SH3GL2: variants seen among roughly 807,000 people sequenced by gnomAD.
The protein encoded by SH3GL2 is SH3 domain containing GRB2 like 2, endophilin A1.
A neutral mutation model predicts 46.0 loss-of-function variants in SH3GL2; 24 were observed. That is an observed-to-expected ratio of 0.52 (90% CI 0.38 to 0.73). The LOEUF (loss-of-function observed/expected upper bound fraction) is 0.73, where lower values mean the gene tolerates loss of function less well. Among genes scored for constraint, SH3GL2 ranks in the 30% least tolerant of loss-of-function variants. The pLI is 0.00. For synonymous variants in SH3GL2, 196 were observed against 147.1 expected (o/e 1.33, Z -2.40); for missense variants, 413 against 424.2 (o/e 0.97, Z 0.23).
At chr9:17,731,785 A>G (rs1324229659) in intron 1 of SH3GL2, among the ~76,000 whole-genome samples, 1 of 152,130 alleles carries the variant, frequency 6.6e-6, no homozygotes, top group Non-Finnish European at 1.5e-5. Flanking sequence ...CTTCAGCTTC[A>G]TCTCAAGTGC....
At chr9:17,740,177 C>CTAT (rs1563834528) in intron 1 of SH3GL2, among the ~76,000 whole-genome samples, 3 of 151,970 alleles carry the variant, frequency 2.0e-5, no homozygotes. Flanking sequence ...AGACAAAATG[C>CTAT]CTTTACTCAT....
In SH3GL2 at chr9:17,715,499, TC is replaced by T. The variant is rs542456907; in HGVS notation, c.46-31566del. 2.8e-4 allele frequency among the ~76,000 whole-genome samples: 42 copies of T among 152,068 alleles called. No homozygotes were observed. The South Asian group carries it at 8.7e-3, about 32-fold the overall frequency. On this transcript the variant is annotated intron_variant, in intron 1 of 8. Coordinates refer to ENST00000380607, the MANE Select transcript of SH3GL2 (RefSeq NM_003026.5). ...CCTATATCTCACTGATTATTTTCTT[TC>T]TTTTTTTGATTCATTTTCTCCATGT... is the stretch of plus-strand genomic sequence containing the variant.
rs539644582 is a variant in SH3GL2 at position 17,696,902 on chromosome 9, A to G, written c.46-50164A>G. Among the ~76,000 whole-genome samples, 9 of 152,258 alleles carry G rather than the reference A, an allele frequency of 5.9e-5. No individual in the cohort carries two copies. In the East Asian group the frequency reaches 1.7e-3, roughly 29 times the overall value. Reference sequence around the variant, plus strand: ...CATATCCATAACCCTCTTACCTTCCATCACTTTCTGGGACTTGTTCTTATT... The same window carrying G: ...CATATCCATAACCCTCTTACCTTCCGTCACTTTCTGGGACTTGTTCTTATT... On this transcript the variant is annotated intron_variant, in intron 1 of 8. Transcript: ENST00000380607.
intron 1 of SH3GL2, among the ~76,000 whole-genome samples, chr9:17,685,456 A>G (rs1174237558): frequency 3.3e-5 from 5 of 152,118 alleles, no homozygotes; most frequent in African/African-American, 1.2e-4. Context: ...ACCTAGATTA[A>G]TGCTTAATTG....
intron 1 of SH3GL2, among the ~76,000 whole-genome samples, chr9:17,661,390 A>C (rs1322673236): frequency 1.3e-5 from 2 of 152,152 alleles, no homozygotes; most frequent in African/African-American, 4.8e-5. Context: ...AGCAGTGGAC[A>C]CAAAATTGAA....
Position 17,579,173 on chromosome 9 carries a change from C to A in SH3GL2, c.-70C>A, listed in dbSNP as rs1372846729. 3.4e-6 allele frequency: 4 copies of A among 1,193,806 alleles called. No homozygotes were observed. The African/African-American group carries it at 6.4e-5, about 19-fold the overall frequency. 74.0% of individuals were successfully genotyped at this position (1,193,806 alleles called of 1,614,324 possible). A position where few individuals can be genotyped will look rare whatever the true frequency, so the allele number is the denominator to read the frequency against. ...AGGCGGCCAGGGGAGCGCGCCGCCC[C>A]GCTCGGCCCTCCAGTCCCCCTCCGC... On this transcript the variant is annotated 5_prime_UTR_variant, in exon 1 of 9. Transcript: ENST00000380607.
chr9:17,707,766 C>T (rs144490916), intron 1 of SH3GL2, among the ~76,000 whole-genome samples: 57 of 152,114 alleles, frequency 3.7e-4, no homozygotes, highest in Middle Eastern at 3.4e-3. Flanking sequence ...ATCCTTATGT[C>T]TAAGATTTAA....
intron 1 of SH3GL2, among the ~76,000 whole-genome samples, chr9:17,675,764 G>T (rs1286962585): frequency 1.3e-5 from 2 of 152,200 alleles, no homozygotes; most frequent in Admixed American, 1.3e-4. Flanking sequence ...GGCTCACATG[G>T]TGAAACCCTG....
At chr9:17,615,188 CG>C (rs760818696) in intron 1 of SH3GL2, among the ~76,000 whole-genome samples, 13 of 152,084 alleles carry the variant, frequency 8.5e-5, no homozygotes, top group Admixed American at 2.0e-4. Flanking sequence ...GTGAGCACCC[CG>C]TAGCAGGGTG....
At chr9:17,727,784 G>A (rs1355971068) in intron 1 of SH3GL2, among the ~76,000 whole-genome samples, 1 of 152,116 alleles carries the variant, frequency 6.6e-6, no homozygotes, top group African/African-American at 2.4e-5. Flanking sequence ...CTAACTTGGT[G>A]ACCGGCTCCA....
chr9:17,783,546 G>C (rs929830276), intron 3 of SH3GL2, among the ~76,000 whole-genome samples: 2 of 151,996 alleles, frequency 1.3e-5, no homozygotes, highest in Non-Finnish European at 2.9e-5. Context: ...AAGCTCGTCA[G>C]GGATGCTACA....
At chr9:17,706,092 A>G (rs1384250738) in intron 1 of SH3GL2, among the ~76,000 whole-genome samples, 2 of 152,058 alleles carry the variant, frequency 1.3e-5, no homozygotes, top group African/African-American at 4.8e-5. Context: ...CGATATATCT[A>G]ATGTAAGAGA....
At chr9:17,747,324 C>T (rs1425752575) in intron 2 of SH3GL2, among the ~76,000 whole-genome samples, 190 bp downstream of exon 2, 1 of 152,198 alleles carries the variant, frequency 6.6e-6, no homozygotes, top group Non-Finnish European at 1.5e-5. Flanking sequence ...TCCCTTTGTA[C>T]TGTCCTGAGG....
chr9:17,665,795 T>C (rs998278882), intron 1 of SH3GL2, among the ~76,000 whole-genome samples: 1 of 151,236 alleles, frequency 6.6e-6, no homozygotes, highest in African/African-American at 2.4e-5. Context: ...TACCAGAATG[T>C]CATAACTTTT....
intron 1 of SH3GL2, among the ~76,000 whole-genome samples, chr9:17,729,721 C>A (rs961422784): frequency 1.3e-5 from 2 of 152,174 alleles, no homozygotes; most frequent in Non-Finnish European, 2.9e-5. Flanking sequence ...ATAGGTAATT[C>A]TTTCCCCATT....
chr9:17,622,167 T>A (rs2134603476), intron 1 of SH3GL2, among the ~76,000 whole-genome samples: 1 of 152,356 alleles, frequency 6.6e-6, no homozygotes, highest in South Asian at 2.1e-4. Flanking sequence ...GGAGTTGTTT[T>A]GAAAATTTAT....
chr9:17,726,166 C>T (rs1295479379), intron 1 of SH3GL2, among the ~76,000 whole-genome samples: 2 of 152,094 alleles, frequency 1.3e-5, no homozygotes, highest in African/African-American at 4.8e-5. Flanking sequence ...GGTGGTTGCA[C>T]CAAGAGAGGA....
At chr9:17,749,096 G>C (rs1563838276) in intron 2 of SH3GL2, among the ~76,000 whole-genome samples, 1 of 152,122 alleles carries the variant, frequency 6.6e-6, no homozygotes, top group African/African-American at 2.4e-5. Context: ...CAGAAGTCTG[G>C]AAAACCAGAC....
chr9:17,697,595 G>T (rs943666749), intron 1 of SH3GL2, among the ~76,000 whole-genome samples: 3 of 152,098 alleles, frequency 2.0e-5, no homozygotes, highest in African/African-American at 7.2e-5. Flanking sequence ...ATAACCTGAG[G>T]AATGCAAAGC....
Sources: allele counts gnomAD v4.1 joint callset (sites outside exome capture counted in the v4.1 genomes callset), GRCh38; gene constraint gnomAD v4.1.1; transcripts MANE v1.5; gene names NCBI Gene and HGNC (gene_info 2026-07-23, HGNC 2026-07-21).